Variants in DOCK4 observed in about 807,000 individuals in gnomAD.
The protein encoded by DOCK4 is dedicator of cytokinesis 4, also known as dedicator of cytokinesis protein 4.
In DOCK4, 97 loss-of-function variants were observed where a neutral mutation model predicts 268.1. That is an observed-to-expected ratio of 0.36 (90% CI 0.31 to 0.43). The LOEUF (loss-of-function observed/expected upper bound fraction) is 0.43, where lower values mean the gene tolerates loss of function less well. Among genes scored for constraint, DOCK4 ranks in the 20% least tolerant of loss-of-function variants. The pLI, the probability that DOCK4 is intolerant of heterozygous loss-of-function variation, is 1.00. For synonymous variants in DOCK4, 954 were observed against 887.2 expected (o/e 1.08, Z -1.34); for missense variants, 2,145 against 2,455.7 (o/e 0.87, Z 2.67).
chr7:112,198,413 T>C (rs900102587), intron 1 of DOCK4, among the ~76,000 whole-genome samples: 13 of 152,360 alleles, frequency 8.5e-5, no homozygotes, highest in African/African-American at 3.1e-4. Flanking sequence ...ATATTTGTTA[T>C]AGTATCCTGA....
chr7:112,060,495 G>A (rs545155328), intron 1 of DOCK4, among the ~76,000 whole-genome samples: 83 of 152,092 alleles, frequency 5.5e-4, no homozygotes, highest in Non-Finnish European at 1.0e-3. Context: ...TTGAAAATCG[G>A]GTCTCAAAGA....
Position 111,728,662 on chromosome 7 carries a change from G to C in DOCK4, c.5540C>G (p.Ser1847Cys). Residue 1847 changes from serine (S) to cysteine (C), a missense_variant, in exon 53 of 53, where the codon TCC (serine) becomes TGC (cysteine). Around this residue, in one of 2 missense-constraint regions of DOCK4, gnomAD observed 547 missense variants for 469.0 expected, o/e 1.17. Coordinates refer to ENST00000428084, the MANE Select transcript of DOCK4 (RefSeq NM_001363540.2). The part of the protein sequence containing the change: ...PVEYHSPGLI[S>C]NSPVLSGSYS... ...GCTGCCCGACAAGACAGGGGAGTTG[G>C]AGATGAGTCCTGGCGAGTGGTACTC... 1 of 1,614,004 alleles carries C rather than the reference G, an allele frequency of 6.2e-7. No homozygotes were observed. The highest frequency in any genetic ancestry group is 8.5e-7 in the Non-Finnish European group (1 of 1,179,890).
intron 13 of DOCK4, among the ~76,000 whole-genome samples, chr7:111,902,303 A>C (rs1440866434): frequency 6.6e-6 from 1 of 152,220 alleles, no homozygotes; most frequent in Admixed American, 6.5e-5. Flanking sequence ...AAGAATCCAG[A>C]TTAGCATTTT....
intron 32 of DOCK4, chr7:111,784,473 G>A (rs550095248): frequency 5.1e-5 from 26 of 513,508 alleles, no homozygotes; most frequent in Middle Eastern, 2.9e-4. Flanking sequence ...GACGTTTTGC[G>A]TTTTTTCCTT....
chr7:111,914,095 A>G (rs1021639632), intron 13 of DOCK4, among the ~76,000 whole-genome samples: 18 of 152,056 alleles, frequency 1.2e-4, no homozygotes, highest in African/African-American at 4.4e-4. Context: ...GACTCCTTCA[A>G]TAAGATTCTA....
At chr7:112,133,027 C>T (rs1202139070) in intron 1 of DOCK4, among the ~76,000 whole-genome samples, 1 of 152,146 alleles carries the variant, frequency 6.6e-6, no homozygotes, top group African/African-American at 2.4e-5. Flanking sequence ...CCAGGATGAC[C>T]AACTGCCTCT....
chr7:111,801,313 C>T (rs531006589), intron 30 of DOCK4, among the ~76,000 whole-genome samples: 1 of 152,320 alleles, frequency 6.6e-6, no homozygotes, highest in African/African-American at 2.4e-5. Context: ...CATTTTTCCG[C>T]TGCTCATGCA....
chr7:111,765,089 G>T, intron 39 of DOCK4, 29 bp downstream of exon 39: 1 of 1,181,362 alleles, frequency 8.5e-7, no homozygotes, highest in Non-Finnish European at 1.2e-6. Context: ...TGAGAGCTGT[G>T]AAAGCAAATT....
intron 23 of DOCK4, among the ~76,000 whole-genome samples, chr7:111,850,838 C>T (rs1183630575): frequency 1.3e-5 from 2 of 151,030 alleles, no homozygotes; most frequent in Non-Finnish European, 2.9e-5. Flanking sequence ...ACTCCTTTTT[C>T]GGACTCAGTC....
chr7:112,159,211 C>T (rs1816872946), intron 1 of DOCK4, among the ~76,000 whole-genome samples: 1 of 152,094 alleles, frequency 6.6e-6, no homozygotes. Flanking sequence ...AACCCTACCA[C>T]CATCTCATTA....
At chr7:111,889,091 G>A (rs1366842942) in intron 16 of DOCK4, among the ~76,000 whole-genome samples, 2 of 152,112 alleles carry the variant, frequency 1.3e-5, no homozygotes, top group Non-Finnish European at 2.9e-5. Flanking sequence ...CTATCCCTAA[G>A]TGCTAGGACT....
At position 111,944,486 on chromosome 7, in the gene DOCK4, T is replaced by C. The variant is rs181569057; in HGVS notation, c.844+325A>G. ...TCAGCTCTGAAAAATTCATTTATGC[T>C]AACAGAAATTAGAATTTTAAGAGAC... On this transcript the variant is annotated intron_variant, in intron 10 of 52. Coordinates refer to ENST00000428084, the MANE Select transcript of DOCK4 (RefSeq NM_001363540.2). Among the ~76,000 whole-genome samples the C allele has an allele frequency of 5.1e-4, 77 of 152,324 alleles. 2 individuals are homozygous for C. In the East Asian group the frequency reaches 0.015, roughly 29 times the overall value.
At chr7:111,831,267 G>A (rs971880033) in intron 26 of DOCK4, among the ~76,000 whole-genome samples, 2 of 151,968 alleles carry the variant, frequency 1.3e-5, no homozygotes, top group African/African-American at 4.8e-5. Context: ...AAAGGCCTAG[G>A]AGTCACTTAC....
At chr7:111,978,287 A>C (rs1014633610) in intron 7 of DOCK4, among the ~76,000 whole-genome samples, 1 of 152,200 alleles carries the variant, frequency 6.6e-6, no homozygotes, top group Non-Finnish European at 1.5e-5. Flanking sequence ...GCTGGACTGC[A>C]GTGGCACGAT....
chr7:112,115,885 G>T (rs907376988), intron 1 of DOCK4, among the ~76,000 whole-genome samples: 2 of 152,084 alleles, frequency 1.3e-5, no homozygotes, highest in African/African-American at 4.8e-5. Flanking sequence ...TAGCTATATT[G>T]TCCAGGTTGG....
intron 8 of DOCK4, among the ~76,000 whole-genome samples, chr7:111,973,636 A>C (rs1465083922): frequency 2.0e-5 from 3 of 152,056 alleles, no homozygotes; most frequent in Non-Finnish European, 4.4e-5. Context: ...ATGATGTTAA[A>C]GGAATATTAA....
chr7:111,845,499 C>T (rs1172404570), intron 24 of DOCK4, among the ~76,000 whole-genome samples: 1 of 152,056 alleles, frequency 6.6e-6, no homozygotes, highest in Non-Finnish European at 1.5e-5. Flanking sequence ...TATCCACGCC[C>T]CAGGACTTGC....
chr7:111,799,520 A>G (rs564397774), intron 30 of DOCK4, among the ~76,000 whole-genome samples: 122 of 152,328 alleles, frequency 8.0e-4, no homozygotes, highest in African/African-American at 2.7e-3. Flanking sequence ...TGGCAATAAA[A>G]GTTACAGAAA....
intron 1 of DOCK4, among the ~76,000 whole-genome samples, chr7:112,188,857 A>G (rs558524765): frequency 1.9e-4 from 29 of 152,304 alleles, no homozygotes; most frequent in Non-Finnish European, 2.6e-4. Context: ...ATCCTACTAA[A>G]CTTATTTTAT....
Sources: gnomAD v4.1 joint callset for allele counts (sites outside exome capture counted in the v4.1 genomes callset) on GRCh38, gnomAD v4.1.1 for gene constraint, gnomAD v4.1.1 regional missense constraint, MANE v1.5 for transcripts, NCBI Gene and HGNC (gene_info 2026-07-23, HGNC 2026-07-21) for gene names.